MED13L: variants seen among roughly 807,000 people sequenced by gnomAD.
MED13L encodes mediator complex subunit 13L, also known as mediator of RNA polymerase II transcription subunit 13-like.
MED13L carries 7 observed loss-of-function variants against 220.9 expected under a neutral mutation model. The ratio of observed to expected loss-of-function variants is 0.03; its 90% confidence interval spans 0.02 to 0.06. MED13L has a LOEUF of 0.06. Ranked by LOEUF, MED13L falls within the 10% of genes least tolerant of loss-of-function variation. MED13L has a pLI of 1.00. For synonymous variants in MED13L, 1,011 were observed against 1,015.2 expected, an observed-to-expected ratio of 1.00 and a Z score of 0.08; for missense variants, 1,965 against 2,760.5, an observed-to-expected ratio of 0.71 and a Z score of 6.46.
intron 13 of MED13L, among the ~76,000 whole-genome samples, chr12:116,003,691 C>A (rs1878884423): frequency 6.6e-6 from 1 of 152,006 alleles, no homozygotes; most frequent in Non-Finnish European, 1.5e-5. Flanking sequence ...ATTAAATGAA[C>A]TGGTGATGAA....
rs754150111 is a variant in MED13L, at chr12:116,006,358, C to T, written c.2292G>A (p.Pro764=). 9.5e-5 allele frequency: 153 copies of T among 1,613,838 alleles called. No homozygotes were observed. The highest frequency in any genetic ancestry group is 1.3e-4 in the East Asian group (6 of 44,866). Residue 764 remains proline, a synonymous_variant, in exon 12 of 31, where the codon CCG becomes CCA. Coordinates refer to ENST00000281928, the MANE Select transcript of MED13L (RefSeq NM_015335.5). Reference sequence around the variant, plus strand: ...ACATGGCATTTTTCCCATCAGGCACCGGCGTGGAATGACCTGGTGTAGTGA... The same window carrying T: ...ACATGGCATTTTTCCCATCAGGCACTGGCGTGGAATGACCTGGTGTAGTGA... The part of the protein sequence containing the change: ...KDVTTPGHST[P]VPDGKNAMSI...
At chr12:115,961,998 AAAGT>A in intron 30 of MED13L, among the ~76,000 whole-genome samples, 1 of 152,266 alleles carries the variant, frequency 6.6e-6, no homozygotes, top group South Asian at 2.1e-4. Flanking sequence ...GAAAAAAAGA[AAAGT>A]ATGTAAAATA....
At chr12:116,052,221 G>A (rs951310644) in intron 4 of MED13L, among the ~76,000 whole-genome samples, 4 of 152,246 alleles carry the variant, frequency 2.6e-5, no homozygotes, top group Middle Eastern at 3.4e-3. Flanking sequence ...TTCAAAGCCA[G>A]GAGTGACCCA....
At chr12:116,048,661 T>A (rs577033828) in intron 4 of MED13L, among the ~76,000 whole-genome samples, 12 of 152,270 alleles carry the variant, frequency 7.9e-5, no homozygotes, top group Non-Finnish European at 1.2e-4. Flanking sequence ...TTGTTTTTTT[T>A]TTAATATGCA....
At chr12:116,142,774 A>G (rs961175525) in intron 2 of MED13L, among the ~76,000 whole-genome samples, 1 of 152,232 alleles carries the variant, frequency 6.6e-6, no homozygotes, top group Non-Finnish European at 1.5e-5. Context: ...CATAAAAATA[A>G]AGTGACACTT....
intron 2 of MED13L, among the ~76,000 whole-genome samples, chr12:116,113,488 T>A (rs1021486653): frequency 6.9e-6 from 1 of 145,316 alleles, no homozygotes; most frequent in African/African-American, 2.5e-5. Flanking sequence ...AAAAAAAAAA[T>A]TATATATATA....
rs937541742 is a variant in MED13L, at chr12:116,029,259, G to C, written c.480-6658C>G. On this transcript the variant is annotated intron_variant, in intron 4 of 30. Transcript: ENST00000281928. ...AAAGCTTCTCTGAAAAAAAAAAAAGGGGGGGGAGGGAAGCATTTAAACTGA... is the reference window on the plus strand; with the variant it reads ...AAAGCTTCTCTGAAAAAAAAAAAAGCGGGGGGAGGGAAGCATTTAAACTGA... 8.8e-5 allele frequency among the ~76,000 whole-genome samples: 13 copies of C among 147,936 alleles called. No homozygotes were observed. In the South Asian group the frequency reaches 1.5e-3, roughly 17 times the overall value.
intron 2 of MED13L, among the ~76,000 whole-genome samples, chr12:116,192,789 C>T (rs1230978376): frequency 6.6e-6 from 1 of 152,104 alleles, no homozygotes; most frequent in Non-Finnish European, 1.5e-5. Flanking sequence ...CAGTTCAAGA[C>T]CAGCCTGGGC....
intron 4 of MED13L, among the ~76,000 whole-genome samples, chr12:116,031,192 T>G (rs1450880928): frequency 2.0e-5 from 3 of 152,056 alleles, no homozygotes; most frequent in Non-Finnish European, 4.4e-5. Context: ...TTTTAAAAAA[T>G]GGAGCAAAAC....
intron 16 of MED13L, among the ~76,000 whole-genome samples, chr12:115,993,194 A>AG (rs1054567080): frequency 6.6e-6 from 1 of 152,178 alleles, no homozygotes; most frequent in African/African-American, 2.4e-5. Flanking sequence ...TTGGTATCCG[A>AG]GGGGGTCCTG....
At position 116,048,175 on chromosome 12, in the gene MED13L, A is replaced by T. The variant is rs180720630; in HGVS notation, c.480-25574T>A. Among the ~76,000 whole-genome samples, 1,042 of 152,284 alleles carry T rather than the reference A, an allele frequency of 6.8e-3. 12 individuals carry two copies. Among genetic ancestry groups the T allele is most frequent in the African/African-American group, 0.024 (980 of 41,556 alleles). ...GGGAACTAAAATTTGAAAAAGAATA[A>T]ATAAATCCGTGCCTATCACTAGTCA... is the stretch of plus-strand genomic sequence containing the variant. On this transcript the variant is annotated intron_variant, in intron 4 of 30. Transcript: ENST00000281928.
At chr12:116,247,030 G>T (rs1593206049) in intron 1 of MED13L, among the ~76,000 whole-genome samples, 2 of 152,062 alleles carry the variant, frequency 1.3e-5, no homozygotes, top group South Asian at 4.1e-4. Context: ...TTCGATAGTG[G>T]AAGATATAGA....
At chr12:116,081,127 G>A (rs926872543) in intron 4 of MED13L, among the ~76,000 whole-genome samples, 2 of 152,130 alleles carry the variant, frequency 1.3e-5, no homozygotes, top group African/African-American at 4.8e-5. Flanking sequence ...CCCTATTATG[G>A]CTTGCACTCC....
chr12:115,972,055 G>A (rs1162379966), intron 26 of MED13L, 23 bp downstream of exon 26: 1 of 1,612,040 alleles, frequency 6.2e-7, no homozygotes, highest in Non-Finnish European at 8.5e-7. Flanking sequence ...TGTAATTAAT[G>A]ACAATGACAA....
At chr12:116,051,464 G>T (rs996125213) in intron 4 of MED13L, among the ~76,000 whole-genome samples, 7 of 152,168 alleles carry the variant, frequency 4.6e-5, no homozygotes, top group Non-Finnish European at 1.0e-4. Context: ...AAACTCTGAG[G>T]AGTAAATGTT....
At chr12:115,974,404 T>C (rs551805365) in intron 25 of MED13L, among the ~76,000 whole-genome samples, 4 of 152,342 alleles carry the variant, frequency 2.6e-5, no homozygotes, top group African/African-American at 7.2e-5. Flanking sequence ...CTTACAAATC[T>C]GTCATTACTT....
intron 7 of MED13L, 59 bp from the exon 8 acceptor site, chr12:116,015,333 G>A: frequency 6.5e-7 from 1 of 1,536,602 alleles, no homozygotes; most frequent in Non-Finnish European, 9.0e-7. Context: ...CTACTTCATA[G>A]ACTGCTATCT....
intron 4 of MED13L, among the ~76,000 whole-genome samples, chr12:116,096,363 A>G (rs1284242064): frequency 7.1e-6 from 1 of 140,382 alleles, no homozygotes; most frequent in African/African-American, 2.9e-5. Context: ...TCAAAAAAAA[A>G]AAAAAAAAAA....
At chr12:116,142,626 T>C (rs1247334421) in intron 2 of MED13L, among the ~76,000 whole-genome samples, 4 of 152,026 alleles carry the variant, frequency 2.6e-5, no homozygotes, top group Non-Finnish European at 5.9e-5. Context: ...TGGCAGAGGT[T>C]GCAGCAGGCC....
Sources: gnomAD v4.1 joint callset for allele counts (sites outside exome capture counted in the v4.1 genomes callset) on GRCh38, gnomAD v4.1.1 for gene constraint, MANE v1.5 for transcripts, NCBI Gene and HGNC (gene_info 2026-07-23, HGNC 2026-07-21) for gene names.